The following LRP2 variants were observed in gnomAD, a reference collection of about 807,000 sequenced individuals.
LRP2 encodes the protein low-density lipoprotein receptor-related protein 2.
In LRP2, 172 loss-of-function variants were observed where a neutral mutation model predicts 531.0. That is an observed-to-expected ratio of 0.32 (90% CI 0.29 to 0.37). LRP2 has a LOEUF of 0.37. LRP2 is among the 10% of genes least tolerant of loss of function. The pLI is 1.00. For synonymous variants in LRP2, 1,992 were observed against 2,027.6 expected (o/e 0.98, Z 0.47); for missense variants, 5,167 against 5,868.3 (o/e 0.88, Z 3.90).
At chr2:169,306,074 CAT>C (rs1481959549) in intron 4 of LRP2, among the ~76,000 whole-genome samples, 4 of 152,072 alleles carry the variant, frequency 2.6e-5, no homozygotes, top group African/African-American at 9.7e-5. Context: ...TTAAATGACA[CAT>C]GACTATATCT....
At position 169,128,732 on chromosome 2, in the gene LRP2, T is replaced by C; in HGVS notation, c.13899A>G (p.Pro4633=). 1 of 1,614,156 alleles carries C rather than the reference T, an allele frequency of 6.2e-7. No homozygotes were observed. The highest frequency in any genetic ancestry group is 1.1e-5 in the South Asian group (1 of 91,082). The stretch of plus-strand genomic sequence containing the variant: ...AAGTGTCTTCTGTTGCAGAATAGGT[T>C]GGAGTTGGGTCTCTTCTCGAAGGAG... ...PKPPSRRDPT[P]TYSATEDTFK... Residue 4633 remains proline, a synonymous_variant, in exon 79 of 79, where the codon CCA becomes CCG. Coordinates refer to ENST00000649046, the MANE Select transcript of LRP2 (RefSeq NM_004525.3).
rs538340164 is a variant in LRP2, at chr2:169,335,719, T to C, written c.80-14835A>G. Among the ~76,000 whole-genome samples the C allele has an allele frequency of 1.8e-4, 27 of 152,158 alleles. No individual in the cohort carries two copies. In the South Asian group the frequency reaches 5.6e-3, roughly 32 times the overall value. ...GTTTAAAAGAATTTCAAATTTTTCC[T>C]AAAAGCATGAAAGGCCAGGTGTGGT... On this transcript the variant is annotated intron_variant, in intron 1 of 78. Coordinates refer to ENST00000649046, the MANE Select transcript of LRP2 (RefSeq NM_004525.3).
At chr2:169,234,172 C>T (rs1464442516) in intron 29 of LRP2, among the ~76,000 whole-genome samples, 3 of 151,944 alleles carry the variant, frequency 2.0e-5, no homozygotes, top group Non-Finnish European at 2.9e-5. Flanking sequence ...GATACATGTG[C>T]AGAACGTGCA....
At chr2:169,156,620 T>A (rs1455370674) in intron 64 of LRP2, among the ~76,000 whole-genome samples, 1 of 152,196 alleles carries the variant, frequency 6.6e-6, no homozygotes, top group African/African-American at 2.4e-5. Flanking sequence ...CAAAAGACTT[T>A]AAGAGGTATG....
chr2:169,201,946 A>G (rs1231372551), intron 43 of LRP2, 76 bp from the exon 44 acceptor site: 3 of 1,569,764 alleles, frequency 1.9e-6, no homozygotes, highest in East Asian at 4.7e-5. Flanking sequence ...ATACAATTAA[A>G]TAAAAGAGAC....
At chr2:169,326,388 G>A (rs1208788295) in intron 1 of LRP2, among the ~76,000 whole-genome samples, 1 of 150,564 alleles carries the variant, frequency 6.6e-6, no homozygotes, top group African/African-American at 2.4e-5. Context: ...ACTGGTTTTC[G>A]TACTTTTTTG....
chr2:169,201,810 G>C lies in LRP2; in HGVS notation c.8270C>G (p.Ser2757Cys). The C allele has an allele frequency of 1.2e-6, 2 of 1,614,224 alleles. No homozygotes were observed. Among genetic ancestry groups the C allele is most frequent in the Non-Finnish European group, 1.7e-6 (2 of 1,180,034 alleles). The change falls in exon 44 of 79, where the codon TCT (serine) becomes TGT (cysteine). Residue 2757 changes from serine (S) to cysteine (C), a missense_variant. Ser to Cys is a moderately radical substitution (Grantham distance 112, BLOSUM62 -1). Transcript: ENST00000649046. ...TCANGRCVQYSYRCDYYNDCG... is the reference protein window; with the variant it reads ...TCANGRCVQYCYRCDYYNDCG... ...GTCATTGTAGTAATCACAGCGGTAA[G>C]AGTATTGGACACATCGCCCATTGGC...
intron 4 of LRP2, among the ~76,000 whole-genome samples, chr2:169,302,719 G>A: frequency 6.8e-6 from 1 of 147,312 alleles, no homozygotes. Flanking sequence ...CAGACTGTGG[G>A]AAACTCCAGG....
chr2:169,201,467 A>T (rs1688199429), intron 44 of LRP2, among the ~76,000 whole-genome samples, 161 bp downstream of exon 44: 1 of 152,200 alleles, frequency 6.6e-6, no homozygotes, highest in Non-Finnish European at 1.5e-5. Flanking sequence ...CAAGATTGGT[A>T]TTTGTTGATA....
chr2:169,346,846 AACG>A (rs1685708908), intron 1 of LRP2, among the ~76,000 whole-genome samples: 1 of 152,186 alleles, frequency 6.6e-6, no homozygotes, highest in Admixed American at 6.5e-5. Flanking sequence ...TGTTGCTTTT[AACG>A]ACAACTTTTC....
chr2:169,335,237 G>A (rs929094670), intron 1 of LRP2, among the ~76,000 whole-genome samples: 1 of 151,656 alleles, frequency 6.6e-6, no homozygotes, highest in African/African-American at 2.4e-5. Flanking sequence ...TTATTATTTT[G>A]TCCATTGTAA....
At chr2:169,261,711 A>G (rs952259222) in intron 16 of LRP2, among the ~76,000 whole-genome samples, 1 of 152,122 alleles carries the variant, frequency 6.6e-6, no homozygotes, top group Non-Finnish European at 1.5e-5. Flanking sequence ...TCCAATCAAT[A>G]GAAAAAGAGG....
At chr2:169,263,334 G>A (rs830989) in intron 16 of LRP2, among the ~76,000 whole-genome samples, 89,036 of 151,636 alleles carry the variant, frequency 0.59, 26,918 homozygotes, top group East Asian at 0.91. Flanking sequence ...GAAAATATTC[G>A]CAACCTACTC....
At chr2:169,262,007 C>A (rs1353258250) in intron 16 of LRP2, among the ~76,000 whole-genome samples, 5 of 151,670 alleles carry the variant, frequency 3.3e-5, no homozygotes, top group Non-Finnish European at 7.4e-5. Flanking sequence ...ATGATTATCT[C>A]AATAGATGCA....
chr2:169,292,247 C>A lies in LRP2; in HGVS notation c.769+6G>T. ...CTTTTCAGTAGGAATCTCTTCCCCT[C>A]CTTACCACATCCATCTTCATCTCCA... On this transcript the variant is annotated splice_donor_region_variant and intron_variant, in intron 7 of 78. Coordinates refer to ENST00000649046, the MANE Select transcript of LRP2 (RefSeq NM_004525.3). The A allele has an allele frequency of 1.3e-6, 2 of 1,587,178 alleles. No homozygotes were observed.
intron 68 of LRP2, among the ~76,000 whole-genome samples, chr2:169,148,334 G>T (rs565385332): frequency 2.9e-5 from 4 of 139,152 alleles, no homozygotes; most frequent in African/African-American, 5.1e-5. Flanking sequence ...GAGGAACAGG[G>T]TTTCTTTGTA....
intron 58 of LRP2, among the ~76,000 whole-genome samples, chr2:169,170,932 T>G (rs1411595886): frequency 1.4e-5 from 2 of 147,138 alleles, no homozygotes; most frequent in Non-Finnish European, 3.0e-5. Context: ...TTTTTTTTTT[T>G]TTTTTTTTTT....
At chr2:169,210,818 G>T (rs1161388488) in intron 37 of LRP2, among the ~76,000 whole-genome samples, 2 of 152,076 alleles carry the variant, frequency 1.3e-5, no homozygotes, top group Admixed American at 1.3e-4. Context: ...ACATATGTAG[G>T]GGTAAAGTGG....
chr2:169,309,830 A>G (rs556508102), intron 3 of LRP2, among the ~76,000 whole-genome samples: 1 of 152,198 alleles, frequency 6.6e-6, no homozygotes, highest in Non-Finnish European at 1.5e-5. Flanking sequence ...GGCCATTTCC[A>G]TGATATTGAT....
Sources: gnomAD v4.1 joint callset for allele counts (sites outside exome capture counted in the v4.1 genomes callset) on GRCh38, gnomAD v4.1.1 for gene constraint, MANE v1.5 for transcripts, NCBI Gene and HGNC (gene_info 2026-07-23, HGNC 2026-07-21) for gene names.